The following LOXHD1 variants were observed in gnomAD, a reference collection of about 807,000 sequenced individuals.
The protein encoded by LOXHD1 is lipoxygenase homology PLAT domains 1.
Under a neutral mutation model 248.2 loss-of-function variants are expected in LOXHD1, and 205 were observed. The ratio of observed to expected loss-of-function variants is 0.83; its 90% confidence interval spans 0.74 to 0.93. LOXHD1 has a LOEUF of 0.93. Among genes scored for constraint, LOXHD1 ranks in the 40% least tolerant of loss-of-function variants. The pLI, the probability that LOXHD1 is intolerant of heterozygous loss-of-function variation, is 0.00. For synonymous variants in LOXHD1, 1,113 were observed against 1,162.8 expected (o/e 0.96, Z 0.87); for missense variants, 2,930 against 2,971.6 (o/e 0.99, Z 0.33).
At chr18:46,557,758 G>C (rs2037401999) in intron 20 of LOXHD1, 1 of 927,226 alleles carries the variant, frequency 1.1e-6, no homozygotes, top group Non-Finnish European at 1.6e-6. Context: ...GTGACCTTGA[G>C]AGGCAGAAGA....
At chr18:46,554,842 A>G (rs1402056416) in intron 21 of LOXHD1, among the ~76,000 whole-genome samples, 1 of 152,234 alleles carries the variant, frequency 6.6e-6, no homozygotes, top group Non-Finnish European at 1.5e-5. Flanking sequence ...AGGTACATAA[A>G]CAGCTGGATA....
chr18:46,618,361 C>T, intron 4 of LOXHD1, 71 bp from the exon 5 acceptor site: 1 of 986,202 alleles, frequency 1.0e-6, no homozygotes, highest in Non-Finnish European at 1.6e-6. Context: ...CCCAAAGTAG[C>T]TACCACACCA....
At chr18:46,576,550 A>G (rs371371227) in intron 14 of LOXHD1, among the ~76,000 whole-genome samples, 11 of 152,090 alleles carry the variant, frequency 7.2e-5, no homozygotes, top group African/African-American at 2.4e-4. Flanking sequence ...TTCCAGGCCC[A>G]GGTGCACTTC....
At chr18:46,550,815 C>A (rs1422245923) in intron 21 of LOXHD1, among the ~76,000 whole-genome samples, 3 of 152,082 alleles carry the variant, frequency 2.0e-5, no homozygotes, top group Non-Finnish European at 4.4e-5. Flanking sequence ...CAGAACCTAG[C>A]CTATTCTGAC....
At chr18:46,542,692 G>A in intron 24 of LOXHD1, 35 bp downstream of exon 24, 1 of 1,550,890 alleles carries the variant, frequency 6.4e-7, no homozygotes, top group Non-Finnish European at 8.7e-7. Flanking sequence ...GGTCCTTAAA[G>A]TCTTAGCAAG....
chr18:46,650,800 C>G (rs2039100818), intron 1 of LOXHD1, among the ~76,000 whole-genome samples: 1 of 152,126 alleles, frequency 6.6e-6, no homozygotes, highest in African/African-American at 2.4e-5. Flanking sequence ...TTCAGCATGC[C>G]CAGAGCCAGT....
intron 33 of LOXHD1, chr18:46,520,378 G>T: frequency 1.3e-5 from 6 of 462,332 alleles, no homozygotes; most frequent in Non-Finnish European, 2.7e-5. Flanking sequence ...GGGGCCTTCT[G>T]TTGACCCCAT....
chr18:46,598,655 T>A (rs1290571816), intron 8 of LOXHD1, among the ~76,000 whole-genome samples: 1 of 152,108 alleles, frequency 6.6e-6, no homozygotes, highest in Non-Finnish European at 1.5e-5. Context: ...TATTTCTATA[T>A]CAGCAACTAA....
At chr18:46,614,268 A>G (rs1325039429) in intron 5 of LOXHD1, among the ~76,000 whole-genome samples, 1 of 152,220 alleles carries the variant, frequency 6.6e-6, no homozygotes, top group Admixed American at 6.5e-5. Context: ...ACACATGCAC[A>G]TGTATGTTTA....
intron 3 of LOXHD1, among the ~76,000 whole-genome samples, chr18:46,641,713 T>C (rs1407083229): frequency 1.3e-5 from 2 of 152,160 alleles, no homozygotes; most frequent in Admixed American, 6.5e-5. Context: ...TGCTATAATG[T>C]CTCTCACAGC....
intron 8 of LOXHD1, among the ~76,000 whole-genome samples, chr18:46,600,114 C>T (rs907030499): frequency 6.6e-6 from 1 of 152,158 alleles, no homozygotes; most frequent in African/African-American, 2.4e-5. Flanking sequence ...GATACATGTA[C>T]AAGAACTTCA....
chr18:46,483,741 T>G lies in LOXHD1; in HGVS notation c.6187A>C (p.Thr2063Pro), dbSNP rs547733414. ...CTGTCAAACTCAAACGTGTCTGTGG[T>G]CCCCCTGCAGGAAACAAAAGTGTGG... ...SSRQRAFRKG[T>P]TDTFEFDSIY... The change falls in exon 40 of 41, where the codon ACC (threonine) becomes CCC (proline). Residue 2063 changes from threonine (T) to proline (P), a missense_variant. Coordinates refer to ENST00000642948, the MANE Select transcript of LOXHD1 (RefSeq NM_001384474.1). The G allele has an allele frequency of 9.5e-5, 147 of 1,541,696 alleles. No homozygotes were observed. The highest frequency in any genetic ancestry group is 2.4e-5 in the Non-Finnish European group (27 of 1,140,308).
intron 12 of LOXHD1, among the ~76,000 whole-genome samples, chr18:46,590,138 C>T (rs866955881): frequency 6.6e-6 from 1 of 151,964 alleles, no homozygotes; most frequent in African/African-American, 2.4e-5. Context: ...AGTGTGGTTC[C>T]CCAACAGCAG....
In LOXHD1 at chr18:46,631,228, G is replaced by A. The variant is rs190475262; in HGVS notation, c.511+8388C>T. Reference sequence around the variant, plus strand: ...CCTGAGCTTCACTGGAGAAACTGGAGAGATACACATTAGGAAGTTAGAGCC... The same window carrying A: ...CCTGAGCTTCACTGGAGAAACTGGAAAGATACACATTAGGAAGTTAGAGCC... On this transcript the variant is annotated intron_variant, in intron 4 of 40. Coordinates refer to ENST00000642948, the MANE Select transcript of LOXHD1 (RefSeq NM_001384474.1). Among the ~76,000 whole-genome samples, 10 of 152,272 alleles carry A rather than the reference G, an allele frequency of 6.6e-5. No homozygotes were observed. In the East Asian group the frequency reaches 1.4e-3, roughly 21 times the overall value.
chr18:46,594,351 A>G lies in LOXHD1; in HGVS notation c.1250T>C (p.Leu417Pro). ...IERQLYEMVS[L>P]RKKRLKKFPW... is the part of the protein sequence containing the mutation. ...CTTACTTTTCAGCCGCTTCTTCCTG[A>G]GAGACACCATCTCATAGAGCTGCCT... is the stretch of plus-strand genomic sequence containing the variant. Residue 417 changes from leucine to proline, a missense_variant, in exon 9 of 41, where the codon CTC becomes CCC. Coordinates refer to ENST00000642948, the MANE Select transcript of LOXHD1 (RefSeq NM_001384474.1). The G allele has an allele frequency of 6.4e-7, 1 of 1,551,630 alleles. No homozygotes were observed. The highest frequency in any genetic ancestry group is 2.0e-5 in the Admixed American group (1 of 51,004).
intron 39 of LOXHD1, 29 bp from the exon 40 acceptor site, chr18:46,483,774 G>A (rs1262465217): frequency 6.5e-7 from 1 of 1,545,888 alleles, no homozygotes; most frequent in South Asian, 1.2e-5. Context: ...TGGTCCATGA[G>A]CTGCCTTTGC....
At chr18:46,629,429 C>T (rs2038789559) in intron 4 of LOXHD1, among the ~76,000 whole-genome samples, 1 of 152,166 alleles carries the variant, frequency 6.6e-6, no homozygotes, top group African/African-American at 2.4e-5. Flanking sequence ...ATGCAGGGTA[C>T]TTTCATTTTG....
chr18:46,513,891 G>A (rs1170129686), intron 34 of LOXHD1, among the ~76,000 whole-genome samples: 3 of 152,224 alleles, frequency 2.0e-5, no homozygotes, highest in Non-Finnish European at 4.4e-5. Context: ...CTCACACAGA[G>A]AAAATTCCAA....
chr18:46,645,097 G>T (rs901252100), intron 2 of LOXHD1, among the ~76,000 whole-genome samples: 1 of 152,128 alleles, frequency 6.6e-6, no homozygotes, highest in African/African-American at 2.4e-5. Context: ...TTCACTCAGG[G>T]TCAGGGCTGG....
Sources: allele counts gnomAD v4.1 joint callset (sites outside exome capture counted in the v4.1 genomes callset), GRCh38; gene constraint gnomAD v4.1.1; transcripts MANE v1.5; gene names NCBI Gene and HGNC (gene_info 2026-07-23, HGNC 2026-07-21).